The following CHN1 variants were observed in gnomAD, a reference collection of about 807,000 sequenced individuals.
CHN1 encodes the protein N-chimaerin.
In CHN1, 37 loss-of-function variants were observed where a neutral mutation model predicts 59.5. The ratio of observed to expected loss-of-function variants is 0.62; its 90% CI spans 0.48 to 0.82. The LOEUF is 0.82. Ranked by LOEUF, CHN1 falls within the 40% of genes least tolerant of loss-of-function variation. The pLI is 0.00. For synonymous variants in CHN1, 206 were observed against 200.4 expected (o/e 1.03, Z -0.24); for missense variants, 469 against 571.0 (o/e 0.82, Z 1.82).
intron 1 of CHN1, among the ~76,000 whole-genome samples, chr2:174,954,070 G>A (rs1044013766): frequency 2.0e-5 from 3 of 152,190 alleles, no homozygotes; most frequent in Non-Finnish European, 2.9e-5. Flanking sequence ...TACCAAAACA[G>A]CATAGTACTG....
intron 6 of CHN1, chr2:174,875,661 G>T (rs1687545268): frequency 4.6e-6 from 1 of 215,642 alleles, no homozygotes; most frequent in Non-Finnish European, 7.9e-6. Context: ...CAACACTTTT[G>T]GCCTCTGAGG....
intron 6 of CHN1, among the ~76,000 whole-genome samples, chr2:174,876,434 CAT>C (rs1316562255): frequency 6.6e-6 from 1 of 151,976 alleles, no homozygotes; most frequent in Non-Finnish European, 1.5e-5. Flanking sequence ...TAAAAAATGC[CAT>C]AAATGGAAAA....
At chr2:174,830,768 G>A (rs1011509554) in intron 7 of CHN1, among the ~76,000 whole-genome samples, 4 of 152,182 alleles carry the variant, frequency 2.6e-5, no homozygotes. Context: ...GGGAAGGGGC[G>A]CAGGTGCTAA....
intron 1 of CHN1, among the ~76,000 whole-genome samples, chr2:174,956,916 A>G (rs764046696): frequency 6.6e-6 from 1 of 152,242 alleles, no homozygotes; most frequent in Non-Finnish European, 1.5e-5. Flanking sequence ...AGCAGCAAAT[A>G]CTGAACCACT....
chr2:174,932,946 T>TA (rs1689392695), intron 3 of CHN1, among the ~76,000 whole-genome samples: 1 of 152,210 alleles, frequency 6.6e-6, no homozygotes, highest in African/African-American at 2.4e-5. Context: ...GAGAACAGAC[T>TA]AATACAGTTA....
chr2:175,004,360 A>G (rs1024110597), intron 1 of CHN1, among the ~76,000 whole-genome samples: 1 of 152,228 alleles, frequency 6.6e-6, no homozygotes, highest in Admixed American at 6.5e-5. Flanking sequence ...CTCATTCGTT[A>G]GTGCAAACAT....
At chr2:174,876,996 T>C (rs1480087100) in intron 6 of CHN1, among the ~76,000 whole-genome samples, 3 of 152,170 alleles carry the variant, frequency 2.0e-5, no homozygotes, top group East Asian at 1.9e-4. Flanking sequence ...GGTTTAGCAA[T>C]TGAAGATTCT....
chr2:174,804,377 G>A (rs1684821346), intron 11 of CHN1, among the ~76,000 whole-genome samples: 1 of 152,154 alleles, frequency 6.6e-6, no homozygotes, highest in African/African-American at 2.4e-5. Context: ...AAGGGATGTA[G>A]GCTATTTTAA....
chr2:174,848,095 G>C (rs1389521665), intron 6 of CHN1, among the ~76,000 whole-genome samples: 1 of 152,148 alleles, frequency 6.6e-6, no homozygotes, highest in Non-Finnish European at 1.5e-5. Context: ...GCAGAACAAG[G>C]AGCATGCACA....
At chr2:174,911,717 A>C (rs749172216) in intron 5 of CHN1, among the ~76,000 whole-genome samples, 11 of 152,342 alleles carry the variant, frequency 7.2e-5, no homozygotes, top group South Asian at 2.1e-4. Flanking sequence ...ACACTCCCCT[A>C]AACAGCACCT....
intron 7 of CHN1, among the ~76,000 whole-genome samples, chr2:174,828,038 C>CT (rs1174095805): frequency 2.6e-5 from 4 of 152,170 alleles, no homozygotes; most frequent in Admixed American, 1.3e-4. Context: ...AGGAAAATCA[C>CT]TTTCCCCTTC....
chr2:174,934,757 G>C (rs1295243141), intron 3 of CHN1, among the ~76,000 whole-genome samples: 3 of 152,338 alleles, frequency 2.0e-5, no homozygotes, highest in South Asian at 2.1e-4. Context: ...AGAAGATTAG[G>C]AGAGTTGACT....
chr2:175,003,858 A>G (rs972580492), intron 1 of CHN1, among the ~76,000 whole-genome samples: 1 of 152,210 alleles, frequency 6.6e-6, no homozygotes, highest in Non-Finnish European at 1.5e-5. Flanking sequence ...ATAAAATAAG[A>G]TAGTTAAATA....
At chr2:174,847,393 TAAAA>T (rs766265265) in intron 6 of CHN1, 34 of 1,231,484 alleles carry the variant, frequency 2.8e-5, no homozygotes, top group South Asian at 5.9e-5. Context: ...TGAACAGAAA[TAAAA>T]AGAAAGAGTC....
intron 11 of CHN1, among the ~76,000 whole-genome samples, chr2:174,804,681 G>C (rs1178182346): frequency 6.6e-6 from 1 of 152,214 alleles, no homozygotes; most frequent in East Asian, 1.9e-4. Context: ...AGAAACAGAA[G>C]AATCATGAAT....
intron 1 of CHN1, among the ~76,000 whole-genome samples, chr2:174,996,655 T>C (rs1691720930): frequency 6.6e-6 from 1 of 152,028 alleles, no homozygotes; most frequent in East Asian, 1.9e-4. Flanking sequence ...GAAAGTACCA[T>C]CCTCCATGAC....
chr2:174,826,791 A>C (rs1181246157), intron 7 of CHN1, among the ~76,000 whole-genome samples: 1 of 152,198 alleles, frequency 6.6e-6, no homozygotes, highest in Admixed American at 6.5e-5. Flanking sequence ...GAGGATTTTA[A>C]CTGTCCGAGC....
intron 1 of CHN1, among the ~76,000 whole-genome samples, chr2:174,956,111 T>A (rs1690195786): frequency 1.3e-5 from 2 of 152,210 alleles, no homozygotes; most frequent in African/African-American, 4.8e-5. Flanking sequence ...AAAATAACTT[T>A]TCCATTGGAG....
At chr2:175,001,067 T>C (rs990597702) in intron 1 of CHN1, among the ~76,000 whole-genome samples, 9 of 152,186 alleles carry the variant, frequency 5.9e-5, no homozygotes, top group Non-Finnish European at 7.3e-5. Flanking sequence ...TACAGGCACA[T>C]TGCCACCATG....
Sources: gnomAD v4.1 joint callset for allele counts (sites outside exome capture counted in the v4.1 genomes callset) on GRCh38, gnomAD v4.1.1 for gene constraint, MANE v1.5 for transcripts, NCBI Gene and HGNC (gene_info 2026-07-23, HGNC 2026-07-21) for gene names.